Variants in WWOX observed in about 807,000 individuals in gnomAD.
The protein encoded by WWOX is WW domain-containing oxidoreductase.
WWOX carries 69 observed loss-of-function variants against 46.2 expected under a neutral mutation model. The observed-to-expected ratio is 1.49, with a 90% CI of 1.23 to 1.82. The LOEUF is 1.82. WWOX is among the 40% of genes most tolerant of loss of function. The pLI, the probability that WWOX is intolerant of heterozygous loss-of-function variation, is 0.00. For missense variants in WWOX, 919 were observed against 542.6 expected (o/e 1.69, Z -6.89); for synonymous variants, 359 against 202.6 (o/e 1.77, Z -6.56).
At chr16:78,633,709 A>G (rs982362631) in intron 8 of WWOX, among the ~76,000 whole-genome samples, 1 of 152,142 alleles carries the variant, frequency 6.6e-6, no homozygotes, top group African/African-American at 2.4e-5. Flanking sequence ...TGTGAAGTGC[A>G]AAGTTGGGCT....
intron 8 of WWOX, among the ~76,000 whole-genome samples, chr16:78,543,557 C>A (rs2043952619): frequency 6.6e-6 from 1 of 152,164 alleles, no homozygotes; most frequent in Admixed American, 6.5e-5. Context: ...CAACACTGGC[C>A]AAATTCTGTT....
intron 8 of WWOX, among the ~76,000 whole-genome samples, chr16:79,186,128 T>C (rs2051009794): frequency 6.6e-6 from 1 of 152,202 alleles, no homozygotes; most frequent in Non-Finnish European, 1.5e-5. Flanking sequence ...GATGGTCATA[T>C]GTTCCTAAAG....
chr16:78,879,826 G>A (rs1397355229), intron 8 of WWOX, among the ~76,000 whole-genome samples: 1 of 151,320 alleles, frequency 6.6e-6, no homozygotes, highest in African/African-American at 2.4e-5. Context: ...GCCGTGAGCT[G>A]AGATCATGTC....
chr16:78,135,545 A>G (rs1259942957), intron 4 of WWOX, among the ~76,000 whole-genome samples: 3 of 152,172 alleles, frequency 2.0e-5, no homozygotes, highest in Admixed American at 6.5e-5. Flanking sequence ...ACATTTAATC[A>G]TAGGAGATTC....
At chr16:78,611,814 A>T (rs147417744) in intron 8 of WWOX, among the ~76,000 whole-genome samples, 2 of 152,354 alleles carry the variant, frequency 1.3e-5, no homozygotes, top group East Asian at 1.9e-4. Flanking sequence ...CAAGGAAAGG[A>T]AAAAGAACAG....
At chr16:79,043,470 C>G (rs538862370) in intron 8 of WWOX, among the ~76,000 whole-genome samples, 4 of 152,260 alleles carry the variant, frequency 2.6e-5, no homozygotes, top group South Asian at 4.2e-4. Flanking sequence ...GGAGGAAAAG[C>G]AAGTGCATTA....
chr16:78,976,776 C>A (rs1315461841), intron 8 of WWOX, among the ~76,000 whole-genome samples: 1 of 152,178 alleles, frequency 6.6e-6, no homozygotes, highest in Non-Finnish European at 1.5e-5. Context: ...GTTTAAAATA[C>A]TTTTTCCATG....
chr16:78,167,670 A>G lies in WWOX; in HGVS notation c.516+3381A>G, dbSNP rs529779515. On this transcript the variant is annotated intron_variant, in intron 5 of 8. Coordinates refer to ENST00000566780, the MANE Select transcript of WWOX (RefSeq NM_016373.4). The stretch of plus-strand genomic sequence containing the variant: ...ATATTGTGTTCCTCATTTTCCCAAG[A>G]TGATGATTATGGAAACTCAAATTTT... The G allele has an allele frequency of 1.2e-4, 19 of 152,170 alleles. 1 individual carries two copies. Among genetic ancestry groups the G allele is most frequent in the Non-Finnish European group, 1.5e-4 (10 of 68,030 alleles). 9.4% of individuals were successfully genotyped at this position (152,170 alleles called of 1,614,324 possible).
At chr16:78,919,222 T>G (rs1363705606) in intron 8 of WWOX, among the ~76,000 whole-genome samples, 3 of 152,070 alleles carry the variant, frequency 2.0e-5, no homozygotes, top group African/African-American at 7.2e-5. Flanking sequence ...TTTATTTAAT[T>G]CCCTTAACAG....
intron 8 of WWOX, among the ~76,000 whole-genome samples, chr16:78,483,171 T>C (rs2084538176): frequency 6.6e-6 from 1 of 152,168 alleles, no homozygotes. Flanking sequence ...TTTTTAAAAA[T>C]GCACCCAAAT....
intron 7 of WWOX, among the ~76,000 whole-genome samples, chr16:78,428,339 C>T (rs986929074): frequency 3.3e-5 from 5 of 152,180 alleles, no homozygotes; most frequent in African/African-American, 9.6e-5. Flanking sequence ...GAAGCCGTTT[C>T]TGGCTCAGAC....
intron 8 of WWOX, among the ~76,000 whole-genome samples, chr16:79,197,941 C>T (rs2051272346): frequency 6.6e-6 from 1 of 152,126 alleles, no homozygotes; most frequent in Non-Finnish European, 1.5e-5. Context: ...TTAAGGAGAA[C>T]TGAAATCTGG....
At position 79,150,703 on chromosome 16, in the gene WWOX, G is replaced by A. The variant is rs959469936; in HGVS notation, c.1057-60905G>A. Among the ~76,000 whole-genome samples the A allele has an allele frequency of 6.6e-5, 10 of 152,058 alleles. No individual in the cohort carries two copies. In the East Asian group the frequency reaches 7.7e-4, roughly 12 times the overall value. On this transcript the variant is annotated intron_variant, in intron 8 of 8. Coordinates refer to ENST00000566780, the MANE Select transcript of WWOX (RefSeq NM_016373.4). ...GTGTCACGTCGTTGCCCAGGCCACC[G>A]TTTATGTTGTCCAGGCCACCCTGGA...
intron 6 of WWOX, among the ~76,000 whole-genome samples, chr16:78,399,672 A>G (rs1439681642): frequency 6.6e-6 from 1 of 152,192 alleles, no homozygotes; most frequent in East Asian, 1.9e-4. Flanking sequence ...TAAGACTTGG[A>G]AAAAGGGTTT....
chr16:78,437,017 G>T (rs533382946), intron 8 of WWOX, among the ~76,000 whole-genome samples: 171 of 152,310 alleles, frequency 1.1e-3, no homozygotes, highest in African/African-American at 4.0e-3. Context: ...ATCACCAGAT[G>T]GCTAGTGTGC....
At chr16:78,602,527 C>T (rs527756337) in intron 8 of WWOX, among the ~76,000 whole-genome samples, 99 of 152,264 alleles carry the variant, frequency 6.5e-4, no homozygotes, top group African/African-American at 2.2e-3. Flanking sequence ...CCACCACACC[C>T]GGCCTCTTCT....
intron 8 of WWOX, among the ~76,000 whole-genome samples, chr16:78,452,600 C>T (rs552040178): frequency 2.0e-5 from 3 of 151,010 alleles, no homozygotes; most frequent in Non-Finnish European, 2.9e-5. Flanking sequence ...CTCAGCCTCC[C>T]GAGTAGCTGG....
chr16:79,001,273 C>T (rs866700464), intron 8 of WWOX, among the ~76,000 whole-genome samples: 9 of 152,032 alleles, frequency 5.9e-5, no homozygotes, highest in African/African-American at 9.7e-5. Context: ...AAGGCCTCCC[C>T]GCCCCCCTAA....
intron 8 of WWOX, among the ~76,000 whole-genome samples, chr16:79,139,408 C>T (rs1221451439): frequency 6.6e-6 from 1 of 152,178 alleles, no homozygotes; most frequent in Admixed American, 6.5e-5. Flanking sequence ...TACTGTAACA[C>T]ACTTTGCCTG....
Sources: gnomAD v4.1 joint callset for allele counts (sites outside exome capture counted in the v4.1 genomes callset) on GRCh38, gnomAD v4.1.1 for gene constraint, MANE v1.5 for transcripts, NCBI Gene and HGNC (gene_info 2026-07-23, HGNC 2026-07-21) for gene names.